NCF2: variants seen among roughly 807,000 people sequenced by gnomAD.
The protein encoded by NCF2 is neutrophil cytosolic factor 2.
Under a neutral mutation model 70.9 loss-of-function variants are expected in NCF2, and 45 were observed. The ratio of observed to expected loss-of-function variants is 0.63; its 90% CI spans 0.50 to 0.81. The LOEUF (loss-of-function observed/expected upper bound fraction) is 0.81. Among genes scored for constraint, NCF2 ranks in the 40% least tolerant of loss-of-function variants. The pLI, the probability that NCF2 is intolerant of heterozygous loss-of-function variation, is 0.00. For synonymous variants in NCF2, 203 were observed against 233.6 expected (o/e 0.87, Z 1.19); for missense variants, 522 against 631.6 (o/e 0.83, Z 1.86).
intron 1 of NCF2, 107 bp downstream of exon 1, chr1:183,590,049 T>C: frequency 6.5e-7 from 1 of 1,548,468 alleles, no homozygotes; most frequent in South Asian, 1.1e-5. Flanking sequence ...TGGGCAACTT[T>C]TGTTCTTTTC....
the NCF2 span, among the ~76,000 whole-genome samples, chr1:183,599,441 T>TCTTTCTTTCTTTC: frequency 0.013 from 1,269 of 98,860 alleles, 15 homozygotes; most frequent in Middle Eastern, 0.033. Flanking sequence ...TTTCTTTCTT[T>TCTTTCTTTCTTTC]CTTTCTTTCT....
intron 3 of NCF2, 48 bp from the exon 4 acceptor site, chr1:183,574,669 A>T: frequency 1.2e-6 from 2 of 1,609,194 alleles, no homozygotes; most frequent in Non-Finnish European, 1.7e-6. Flanking sequence ...ACTCCAAATC[A>T]AGGTGCCAGG....
intron 5 of NCF2, among the ~76,000 whole-genome samples, chr1:183,571,844 TACA>T (rs1279792583): frequency 6.6e-6 from 1 of 152,270 alleles, no homozygotes; most frequent in Non-Finnish European, 1.5e-5. Context: ...AACGGAATTG[TACA>T]ACATGTGGCC....
chr1:183,579,383 A>C (rs1448994740), intron 2 of NCF2, among the ~76,000 whole-genome samples: 23 of 152,114 alleles, frequency 1.5e-4, no homozygotes, highest in Admixed American at 1.5e-3. Flanking sequence ...TCTGGTGAGA[A>C]ACGGCAAGTT....
At chr1:183,570,865 A>G in intron 5 of NCF2, 26 bp from the exon 6 acceptor site, 1 of 1,611,396 alleles carries the variant, frequency 6.2e-7, no homozygotes, top group Non-Finnish European at 8.5e-7. Context: ...GGAGGGTGTG[A>G]GGCTCTGCCA....
chr1:183,560,181 T>C lies in NCF2; in HGVS notation c.1383A>G (p.Gln461=), dbSNP rs886343232. The change falls in exon 14 of 15, where the codon CAA becomes CAG. Residue 461 remains glutamine (Q), a synonymous_variant. Coordinates refer to ENST00000367535, the MANE Select transcript of NCF2 (RefSeq NM_000433.4). ...CCTCATAACTGAAGAGTGCCTCCAC[T>C]TGGCTGCCTTTCTTAAGCTGAGGTT... ...TTEPQLKKGS[Q]VEALFSYEAT... 1.2e-6 allele frequency: 2 copies of C among 1,614,222 alleles called. No homozygotes were observed. The highest frequency in any genetic ancestry group is 1.7e-5 in the Admixed American group (1 of 60,018).
chr1:183,599,423 C>CTTCTTTCTTTTTCT, the NCF2 span, among the ~76,000 whole-genome samples: 9 of 107,426 alleles, frequency 8.4e-5, no homozygotes, highest in African/African-American at 2.7e-4. Flanking sequence ...TCTTTCTTTC[C>CTTCTTTCTTTTTCT]TTCTTTCTTT....
intron 2 of NCF2, among the ~76,000 whole-genome samples, chr1:183,578,869 C>T (rs1209597813): frequency 6.6e-6 from 1 of 152,220 alleles, no homozygotes; most frequent in Non-Finnish European, 1.5e-5. Context: ...TGACCATGGG[C>T]TCCACAGAGG....
chr1:183,575,593 C>T (rs35813663), intron 3 of NCF2, among the ~76,000 whole-genome samples: 3,088 of 152,126 alleles, frequency 0.02, 114 homozygotes, highest in African/African-American at 0.071. Context: ...AAAAATGGCC[C>T]GACTGAAATA....
At chr1:183,557,014 T>C (rs1671817954) in intron 14 of NCF2, among the ~76,000 whole-genome samples, 1 of 152,228 alleles carries the variant, frequency 6.6e-6, no homozygotes, top group Admixed American at 6.5e-5. Flanking sequence ...TACATGTTTG[T>C]TAAATATAAA....
At chr1:183,560,324 A>G (rs373014973) in intron 13 of NCF2, 51 bp from the exon 14 acceptor site, 2 of 1,586,550 alleles carry the variant, frequency 1.3e-6, no homozygotes, top group Non-Finnish European at 1.7e-6. Context: ...CCAAGTGAAC[A>G]CTGAACATCA....
At chr1:183,560,696 A>G (rs1672005656) in intron 13 of NCF2, among the ~76,000 whole-genome samples, 2 of 152,270 alleles carry the variant, frequency 1.3e-5, no homozygotes, top group African/African-American at 4.8e-5. Context: ...AGCTCAGGCC[A>G]GTATACCTGC....
intron 6 of NCF2, among the ~76,000 whole-genome samples, chr1:183,569,792 G>A (rs1054141169): frequency 3.9e-5 from 6 of 152,126 alleles, no homozygotes; most frequent in Non-Finnish European, 8.8e-5. Context: ...GTTTCACCAT[G>A]TTGGCCAGGC....
chr1:183,581,288 AAAAAAAAAAG>A (rs1428597120), intron 2 of NCF2, among the ~76,000 whole-genome samples: 1 of 130,358 alleles, frequency 7.7e-6, no homozygotes, highest in Non-Finnish European at 1.6e-5. Context: ...ACTCAAAAAA[AAAAAAAAAAG>A]AAAGAAAGAA....
chr1:183,596,159 T>C, the NCF2 span, among the ~76,000 whole-genome samples: 1 of 151,810 alleles, frequency 6.6e-6, no homozygotes, highest in Non-Finnish European at 1.5e-5. Context: ...GTGCCCATGA[T>C]ATGGTGGATT....
chr1:183,581,478 A>C (rs77777598), intron 2 of NCF2, among the ~76,000 whole-genome samples: 1 of 151,494 alleles, frequency 6.6e-6, no homozygotes, highest in Admixed American at 6.6e-5. Context: ...TAAAAAAAAA[A>C]AGATTACTTA....
intron 2 of NCF2, 100 bp downstream of exon 2, chr1:183,586,795 G>A (rs1248033309): frequency 3.8e-6 from 4 of 1,047,576 alleles, no homozygotes; most frequent in Non-Finnish European, 6.0e-6. Context: ...TTTCCCAACA[G>A]AGGTTGGGAA....
rs150595188 is a variant in NCF2 at position 183,569,152 on chromosome 1, C to T, written c.703G>A (p.Glu235Lys). The T allele has an allele frequency of 1.7e-4, 281 of 1,614,014 alleles. 2 individuals carry two copies. Among genetic ancestry groups the T allele is most frequent in the Non-Finnish European group, 6.8e-6 (8 of 1,179,926 alleles). ...TTGAATCTAACTTACCTGAAGATCT[C>T]TGGGGTTTTCGGTCTGGGTGGAGGC... ...AEPPPRPKTP[E>K]IFRALEGEAH... Residue 235 changes from glutamate (E) to lysine (K), a missense_variant, in exon 7 of 15, where the codon GAG becomes AAG. Physicochemically the swap from Glu to Lys is moderately conservative, Grantham distance 56. Coordinates refer to ENST00000367535, the MANE Select transcript of NCF2 (RefSeq NM_000433.4).
chr1:183,590,898 C>T (rs1398121351), upstream of NCF2: 1 of 169,186 alleles, frequency 5.9e-6, no homozygotes, highest in Non-Finnish European at 1.3e-5. Flanking sequence ...CAAATGAAAC[C>T]CGTGACCTAG....
Sources: allele counts gnomAD v4.1 joint callset (sites outside exome capture counted in the v4.1 genomes callset), GRCh38; gene constraint gnomAD v4.1.1; transcripts MANE v1.5; gene names NCBI Gene and HGNC (gene_info 2026-07-23, HGNC 2026-07-21).